Variants in EPB41L5 observed in about 807,000 individuals in gnomAD.
EPB41L5 encodes erythrocyte membrane protein band 4.1 like 5, also known as band 4.1-like protein 5.
A neutral mutation model predicts 106.6 loss-of-function variants in EPB41L5; 55 were observed. The ratio of observed to expected loss-of-function variants is 0.52; its 90% CI spans 0.42 to 0.65. The LOEUF (loss-of-function observed/expected upper bound fraction) is 0.65, where lower values mean the gene tolerates loss of function less well. Among genes scored for constraint, EPB41L5 ranks in the 30% least tolerant of loss-of-function variants. The pLI, the probability that EPB41L5 is intolerant of heterozygous loss-of-function variation, is 0.00. For missense variants in EPB41L5, 871 were observed against 882.1 expected (o/e 0.99, Z 0.16); for synonymous variants, 297 against 306.7 (o/e 0.97, Z 0.33).
At chr2:120,047,961 G>A (rs144711626) in intron 3 of EPB41L5, among the ~76,000 whole-genome samples, 7,014 of 152,218 alleles carry the variant, frequency 0.046, 231 homozygotes, top group Non-Finnish European at 0.072. Flanking sequence ...GATGGATTAC[G>A]TTTATTGATT....
intron 2 of EPB41L5, among the ~76,000 whole-genome samples, chr2:120,031,120 C>T (rs778742249): frequency 7.9e-5 from 12 of 152,218 alleles, no homozygotes; most frequent in Admixed American, 2.6e-4. Context: ...CCACCCGCCT[C>T]GGCCTCCCAA....
At chr2:120,090,312 G>A (rs1467841672) in intron 11 of EPB41L5, 35 bp from the exon 12 acceptor site, 4 of 1,530,600 alleles carry the variant, frequency 2.6e-6, no homozygotes, top group Admixed American at 4.1e-5. Context: ...GTTTGAATTA[G>A]TAATCATCCT....
At chr2:120,053,658 T>C (rs1247285493) in intron 3 of EPB41L5, among the ~76,000 whole-genome samples, 1 of 152,234 alleles carries the variant, frequency 6.6e-6, no homozygotes, top group Non-Finnish European at 1.5e-5. Flanking sequence ...CATATCTTAG[T>C]GGTTGATTCC....
chr2:120,091,876 A>C (rs377299350), intron 13 of EPB41L5, among the ~76,000 whole-genome samples: 1 of 152,156 alleles, frequency 6.6e-6, no homozygotes, highest in Non-Finnish European at 1.5e-5. Flanking sequence ...CCCAATTCAA[A>C]TGATAGTCTG....
At chr2:120,061,381 C>T (rs1200359401) in intron 3 of EPB41L5, among the ~76,000 whole-genome samples, 1 of 151,168 alleles carries the variant, frequency 6.6e-6, no homozygotes, top group Non-Finnish European at 1.5e-5. Context: ...CGCCACTACG[C>T]CCGGCTAATT....
In EPB41L5 at chr2:120,032,541, G is replaced by A. The variant is rs528455408; in HGVS notation, c.181-9465G>A. ...TTTTAAAGAACAGAGTGACATTTCT[G>A]TGTGGCAGTTTTAGGCAGATCACAG... is the stretch of plus-strand genomic sequence containing the variant. On this transcript the variant is annotated intron_variant, in intron 2 of 24. Transcript: ENST00000263713. Among the ~76,000 whole-genome samples the A allele has an allele frequency of 6.4e-3, 976 of 152,172 alleles. 4 individuals are homozygous for A. The highest frequency in any genetic ancestry group is 0.014 in the Middle Eastern group (4 of 294).
chr2:120,133,149 G>C (rs568445925), intron 18 of EPB41L5, among the ~76,000 whole-genome samples: 1 of 152,264 alleles, frequency 6.6e-6, no homozygotes, highest in South Asian at 2.1e-4. Flanking sequence ...AATATTTAGT[G>C]AGGGTTTACT....
At chr2:120,054,733 TA>T (rs1680524796) in intron 3 of EPB41L5, among the ~76,000 whole-genome samples, 1 of 152,186 alleles carries the variant, frequency 6.6e-6, no homozygotes, top group South Asian at 2.1e-4. Flanking sequence ...CCAGTGATCC[TA>T]ACACCACTTG....
chr2:120,165,842 C>T (rs1459382036), intron 22 of EPB41L5, among the ~76,000 whole-genome samples: 2 of 152,070 alleles, frequency 1.3e-5, no homozygotes, highest in Admixed American at 6.6e-5. Flanking sequence ...GTGGTGCACA[C>T]CTGTAGCGCC....
At chr2:120,139,969 G>A (rs967715248) in intron 18 of EPB41L5, among the ~76,000 whole-genome samples, 3 of 152,022 alleles carry the variant, frequency 2.0e-5, no homozygotes, top group Non-Finnish European at 4.4e-5. Flanking sequence ...TATACACAAT[G>A]AAGTACTATT....
chr2:120,113,763 A>G (rs1232953866), intron 16 of EPB41L5, among the ~76,000 whole-genome samples: 2 of 152,228 alleles, frequency 1.3e-5, no homozygotes, highest in Non-Finnish European at 2.9e-5. Context: ...AGAATCATAC[A>G]GTGGGTGTTC....
intron 10 of EPB41L5, among the ~76,000 whole-genome samples, chr2:120,078,842 T>A (rs1480294316): frequency 6.6e-6 from 1 of 152,164 alleles, no homozygotes; most frequent in Non-Finnish European, 1.5e-5. Context: ...TTTTTATATG[T>A]ATCAGATGTT....
intron 16 of EPB41L5, among the ~76,000 whole-genome samples, chr2:120,102,216 G>C (rs1684182674): frequency 6.6e-6 from 1 of 152,138 alleles, no homozygotes; most frequent in Non-Finnish European, 1.5e-5. Flanking sequence ...ATATGAATAG[G>C]TACATATTTA....
intron 16 of EPB41L5, among the ~76,000 whole-genome samples, chr2:120,103,620 C>T (rs186699411): frequency 5.9e-5 from 9 of 152,226 alleles, no homozygotes; most frequent in African/African-American, 2.2e-4. Context: ...GAAGAATTTT[C>T]ACAGTTTTCC....
chr2:120,165,672 G>A (rs1022592620), intron 22 of EPB41L5, among the ~76,000 whole-genome samples: 31 of 152,096 alleles, frequency 2.0e-4, no homozygotes, highest in African/African-American at 6.5e-4. Context: ...GAGAGAGATA[G>A]AAATGACTAA....
chr2:120,047,675 C>G (rs941967353), intron 3 of EPB41L5, among the ~76,000 whole-genome samples: 1 of 152,182 alleles, frequency 6.6e-6, no homozygotes, highest in Non-Finnish European at 1.5e-5. Context: ...CCTGATTGCC[C>G]TGGCCAGAAC....
At chr2:120,061,069 C>T (rs1681023837) in intron 3 of EPB41L5, among the ~76,000 whole-genome samples, 1 of 89,718 alleles carries the variant, frequency 1.1e-5, no homozygotes, top group Non-Finnish European at 2.1e-5. Context: ...GAGAAGGAGT[C>T]TCACTCTGTT....
Position 120,143,051 on chromosome 2 carries a change from A to G in EPB41L5, c.1648A>G (p.Ser550Gly). 6.2e-7 allele frequency: 1 copy of G among 1,613,012 alleles called. No individual in the cohort carries two copies. Among genetic ancestry groups the G allele is most frequent in the Non-Finnish European group, 8.5e-7 (1 of 1,179,368 alleles). Reference protein sequence around the residue: ...TEKCLNNVIESPGLNVMRVPP... With the variant: ...TEKCLNNVIEGPGLNVMRVPP... Reference sequence around the variant, plus strand: ...GAAATGCCTTAATAATGTCATTGAGAGCCCAGGATTGAATGTCATGAGAGT... The same window carrying G: ...GAAATGCCTTAATAATGTCATTGAGGGCCCAGGATTGAATGTCATGAGAGT... The change falls in exon 19 of 25, where the codon AGC becomes GGC. Residue 550 changes from serine to glycine, a missense_variant. Transcript: ENST00000263713.
chr2:120,150,286 G>A (rs1057463023), intron 20 of EPB41L5, among the ~76,000 whole-genome samples: 1 of 151,842 alleles, frequency 6.6e-6, no homozygotes, highest in African/African-American at 2.4e-5. Context: ...AACTTCTTTG[G>A]ATAAATGTCT....
Sources: gnomAD v4.1 joint callset for allele counts (sites outside exome capture counted in the v4.1 genomes callset) on GRCh38, gnomAD v4.1.1 for gene constraint, MANE v1.5 for transcripts, NCBI Gene and HGNC (gene_info 2026-07-23, HGNC 2026-07-21) for gene names.